ZNF563: variants seen among roughly 807,000 people sequenced by gnomAD.
ZNF563 encodes zinc finger protein 563.
ZNF563 carries 39 observed loss-of-function variants against 48.5 expected under a neutral mutation model. The ratio of observed to expected loss-of-function variants is 0.80; its 90% CI spans 0.62 to 1.05. ZNF563 has a LOEUF of 1.05. ZNF563 is among the 50% of genes least tolerant of loss of function. The pLI is 0.00. For synonymous variants in ZNF563, 168 were observed against 187.9 expected, an observed-to-expected ratio of 0.89 and a Z score of 0.87; for missense variants, 538 against 597.0, an observed-to-expected ratio of 0.90 and a Z score of 1.03.
intron 2 of ZNF563, among the ~76,000 whole-genome samples, chr19:12,321,548 G>A (rs185324848): frequency 9.1e-4 from 138 of 152,238 alleles, no homozygotes; most frequent in Non-Finnish European, 1.2e-3. Context: ...GGGTTCAAGC[G>A]ATTCTCCTGC....
upstream of ZNF563, among the ~76,000 whole-genome samples, chr19:12,334,612 C>T (rs7245600): frequency 0.049 from 7,419 of 152,204 alleles, 603 homozygotes; most frequent in African/African-American, 0.17. Context: ...CTCACGCCTG[C>T]AATCCCAGCA....
chr19:12,341,688 A>G, the ZNF563 span, among the ~76,000 whole-genome samples: 1 of 152,220 alleles, frequency 6.6e-6, no homozygotes, highest in African/African-American at 2.4e-5. Flanking sequence ...TACTTGCACT[A>G]AACAACAGAG....
chr19:12,324,333 T>C (rs1426104004), intron 1 of ZNF563, among the ~76,000 whole-genome samples: 9 of 151,820 alleles, frequency 5.9e-5, no homozygotes, highest in Non-Finnish European at 1.5e-5. Flanking sequence ...CATTCTAGCA[T>C]GGGTGATACA....
At chr19:12,331,313 G>A (rs543516398) in intron 1 of ZNF563, among the ~76,000 whole-genome samples, 2 of 152,194 alleles carry the variant, frequency 1.3e-5, no homozygotes, top group African/African-American at 4.8e-5. Context: ...CTGTCACCTG[G>A]GACATCCCCC....
upstream of ZNF563, among the ~76,000 whole-genome samples, chr19:12,336,490 G>A (rs1969022282): frequency 6.6e-6 from 1 of 152,218 alleles, no homozygotes; most frequent in African/African-American, 2.4e-5. Flanking sequence ...TACTCAGGAG[G>A]CTGAGGCAGG....
chr19:12,325,989 G>C (rs938004539), intron 1 of ZNF563, among the ~76,000 whole-genome samples: 2 of 152,090 alleles, frequency 1.3e-5, no homozygotes, highest in African/African-American at 2.4e-5. Flanking sequence ...AACAATGAAG[G>C]GGACAGAATC....
chr19:12,323,338 G>A (rs372794329), intron 1 of ZNF563, among the ~76,000 whole-genome samples: 4 of 152,188 alleles, frequency 2.6e-5, no homozygotes, highest in East Asian at 3.8e-4. Flanking sequence ...AAGTTAATCC[G>A]CAAAGTGGGA....
In ZNF563 at chr19:12,319,439, G is replaced by A; in HGVS notation, c.586C>T (p.Pro196Ser). ...RHMVVQGGNR[P>S]YKCKLCGKAF... The stretch of plus-strand genomic sequence containing the variant: ...TTCCCACACAACTTACATTTATAAG[G>A]TCTATTTCCACCTTGCACTACCATG... The change falls in exon 4 of 4, where the codon CCT becomes TCT. Residue 196 changes from proline to serine, a missense_variant. Transcript: ENST00000293725. The A allele has an allele frequency of 6.2e-7, 1 of 1,614,222 alleles. No homozygotes were observed. Among genetic ancestry groups the A allele is most frequent in the Non-Finnish European group, 8.5e-7 (1 of 1,180,046 alleles).
chr19:12,330,436 T>C (rs1048753665), intron 1 of ZNF563, among the ~76,000 whole-genome samples: 1 of 152,130 alleles, frequency 6.6e-6, no homozygotes, highest in Non-Finnish European at 1.5e-5. Context: ...GGCACGTAGT[T>C]TATGGCAATC....
intron 3 of ZNF563, among the ~76,000 whole-genome samples, chr19:12,320,461 C>T (rs1489945220): frequency 6.6e-6 from 1 of 151,992 alleles, no homozygotes; most frequent in Non-Finnish European, 1.5e-5. Context: ...CCTACTTCAG[C>T]CTCATGAGTA....
Position 12,319,387 on chromosome 19 carries a change from C to T in ZNF563, c.638G>A (p.Arg213His), listed in dbSNP as rs113773973. The change falls in exon 4 of 4, where the codon CGT (arginine) becomes CAT (histidine). Residue 213 changes from arginine (R) to histidine (H), a missense_variant. By Grantham distance (29) the Arg-to-His change is conservative (BLOSUM62 0). Transcript: ENST00000293725. ...TCCAGTGTGAGTTCTTTCATGCATA[C>T]GTAATAAACTGGGCCAAAAAAAAGC... is the stretch of plus-strand genomic sequence containing the variant. ...GKAFFWPSLL[R>H]MHERTHTGEK... 3.5e-5 allele frequency: 57 copies of T among 1,614,126 alleles called. 1 individual carries two copies. Among genetic ancestry groups the T allele is most frequent in the South Asian group, 1.9e-4 (17 of 91,076 alleles).
intron 1 of ZNF563, among the ~76,000 whole-genome samples, chr19:12,324,251 T>G (rs6511779): frequency 0.21 from 31,556 of 151,670 alleles, 3,611 homozygotes; most frequent in African/African-American, 0.3. Flanking sequence ...CCCAGCTAAT[T>G]GGGAAGCTGA....
chr19:12,326,751 C>T (rs923769041), intron 1 of ZNF563, among the ~76,000 whole-genome samples: 1 of 152,018 alleles, frequency 6.6e-6, no homozygotes, highest in Non-Finnish European at 1.5e-5. Flanking sequence ...GGTATACCTG[C>T]CTTGCCAGTA....
intron 1 of ZNF563, among the ~76,000 whole-genome samples, chr19:12,323,149 C>A (rs1968678937): frequency 6.6e-6 from 1 of 152,172 alleles, no homozygotes; most frequent in Non-Finnish European, 1.5e-5. Flanking sequence ...TTAGGGAGTG[C>A]CCCACCAATG....
intron 1 of ZNF563, among the ~76,000 whole-genome samples, chr19:12,326,608 C>T (rs1968803106): frequency 6.6e-6 from 1 of 151,142 alleles, no homozygotes; most frequent in African/African-American, 2.4e-5. Flanking sequence ...TGTGCCACTG[C>T]ACTCCAGTAT....
At chr19:12,341,812 A>T in the ZNF563 span, among the ~76,000 whole-genome samples, 7,401 of 152,262 alleles carry the variant, frequency 0.049, 597 homozygotes, top group African/African-American at 0.17. Context: ...CAGATAGAAG[A>T]TCAATAAAGA....
At position 12,319,403 on chromosome 19, in the gene ZNF563, A is replaced by G. The variant is rs1968540987; in HGVS notation, c.622T>C (p.Trp208Arg). Reference sequence around the variant, plus strand: ...TCATGCATACGTAATAAACTGGGCCAAAAAAAAGCTTTCCCACACAACTTA... The same window carrying G: ...TCATGCATACGTAATAAACTGGGCCGAAAAAAAGCTTTCCCACACAACTTA... ...KCKLCGKAFF[W>R]PSLLRMHERT... The change falls in exon 4 of 4, where the codon TGG (tryptophan) becomes CGG (arginine). Residue 208 changes from tryptophan to arginine, a missense_variant. Trp to Arg is a moderately radical substitution (Grantham distance 101, BLOSUM62 -3). Transcript: ENST00000293725. 6.2e-7 allele frequency: 1 copy of G among 1,613,120 alleles called. No homozygotes were observed. The highest frequency in any genetic ancestry group is 8.5e-7 in the Non-Finnish European group (1 of 1,179,484).
chr19:12,339,231 G>A, the ZNF563 span, among the ~76,000 whole-genome samples: 7,361 of 150,464 alleles, frequency 0.049, 603 homozygotes, highest in African/African-American at 0.17. Context: ...TATACTGGCC[G>A]ATGTCCTTGT....
At chr19:12,330,567 A>G (rs1000598699) in intron 1 of ZNF563, among the ~76,000 whole-genome samples, 13 of 152,218 alleles carry the variant, frequency 8.5e-5, no homozygotes, top group Non-Finnish European at 1.5e-4. Flanking sequence ...ACAAAGTCCA[A>G]TGGAAGACAG....
Sources: allele counts gnomAD v4.1 joint callset (sites outside exome capture counted in the v4.1 genomes callset), GRCh38; gene constraint gnomAD v4.1.1; transcripts MANE v1.5; gene names NCBI Gene and HGNC (gene_info 2026-07-23, HGNC 2026-07-21).